Variants in TENM1 observed in about 807,000 individuals in gnomAD.
TENM1 encodes the protein teneurin transmembrane protein 1.
Under a neutral mutation model 174.8 loss-of-function variants are expected in TENM1, and 35 were observed. That is an observed-to-expected ratio of 0.20 (90% confidence interval 0.15 to 0.27). TENM1 has a LOEUF of 0.27. TENM1 is among the 10% of genes least tolerant of loss of function. The pLI, the probability that TENM1 is intolerant of heterozygous loss-of-function variation, is 1.00. For missense variants in TENM1, 1,633 were observed against 2,130.1 expected, an observed-to-expected ratio of 0.77 and a Z score of 4.59; for synonymous variants, 781 against 798.7, an observed-to-expected ratio of 0.98 and a Z score of 0.37.
At chrX:125,187,916 A>G in the TENM1 span, among the ~76,000 whole-genome samples, 1 of 111,645 alleles carries the variant, frequency 9.0e-6, no homozygotes, top group East Asian at 2.8e-4. Context: ...AGATGTATGT[A>G]AATTATATGA....
chrX:124,906,806 G>A (rs2057756092), intron 1 of TENM1, among the ~76,000 whole-genome samples: 1 of 111,537 alleles, frequency 9.0e-6, no homozygotes, highest in Non-Finnish European at 1.9e-5. Context: ...AGTTAAAGAG[G>A]CCAAATAAAA....
At chrX:125,115,929 A>C in the TENM1 span, among the ~76,000 whole-genome samples, 7,973 of 111,293 alleles carry the variant, frequency 0.072, 224 homozygotes, top group Middle Eastern at 0.15. Context: ...AAGAGCCCAT[A>C]TAGCCAAGAC....
chrX:124,585,994 G>C (rs867096681), intron 11 of TENM1, among the ~76,000 whole-genome samples: 2 of 109,529 alleles, frequency 1.8e-5, no homozygotes, highest in Admixed American at 9.7e-5. Context: ...CAGGAAGAAG[G>C]TGACTCTCTG....
At chrX:125,077,411 T>C in the TENM1 span, among the ~76,000 whole-genome samples, 1 of 111,378 alleles carries the variant, frequency 9.0e-6, no homozygotes, top group Non-Finnish European at 1.9e-5. Flanking sequence ...ATTTTTTATA[T>C]GAATGTAATT....
At chrX:124,928,978 T>C (rs1439721142) in intron 1 of TENM1, among the ~76,000 whole-genome samples, 1 of 112,229 alleles carries the variant, frequency 8.9e-6, no homozygotes, top group Non-Finnish European at 1.9e-5. Flanking sequence ...TCAAACATCT[T>C]CCATGTCAAT....
chrX:124,511,270 T>A (rs971743659), intron 18 of TENM1, among the ~76,000 whole-genome samples: 2 of 112,185 alleles, frequency 1.8e-5, no homozygotes, highest in Non-Finnish European at 3.8e-5. Context: ...GCAAACATTT[T>A]GTAGGTCCGT....
chrX:124,486,413 T>C (rs183338439), intron 21 of TENM1, among the ~76,000 whole-genome samples: 1 of 112,195 alleles, frequency 8.9e-6, no homozygotes, highest in East Asian at 2.8e-4. Flanking sequence ...ACCAACTTAA[T>C]TTGCTTAAGG....
intron 3 of TENM1, among the ~76,000 whole-genome samples, chrX:124,809,902 T>C (rs1213405103): frequency 9.4e-6 from 1 of 105,893 alleles, no homozygotes; most frequent in Non-Finnish European, 1.9e-5. Context: ...CAGACACTTA[T>C]CAAAATGACC....
rs757162347 is a variant in TENM1 at position 124,723,439 on chromosome X, A to G, written c.776+13518T>C. On this transcript the variant is annotated intron_variant, in intron 4 of 31. Transcript: ENST00000422452. ...TTTCTCCTCTATGAACTCCTAATAC[A>G]TAAGTGTTGCCATGGTTTGGTTTTT... Among the ~76,000 whole-genome samples the G allele has an allele frequency of 6.3e-5, 7 of 111,164 alleles. No individual in the cohort carries two copies. In the South Asian group the frequency reaches 1.5e-3, roughly 24 times the overall value.
At chrX:125,004,287 ATGT>A in the TENM1 span, among the ~76,000 whole-genome samples, 48 of 111,949 alleles carry the variant, frequency 4.3e-4, no homozygotes, top group Non-Finnish European at 5.3e-4. Flanking sequence ...GTTCCAAGTA[ATGT>A]TGTTGCTATG....
At chrX:124,531,116 T>C (rs111836760) in intron 15 of TENM1, among the ~76,000 whole-genome samples, 1,474 of 100,576 alleles carry the variant, frequency 0.015, 23 homozygotes, top group African/African-American at 0.051. Flanking sequence ...TCCTAGGGCA[T>C]CAATACCACC....
At chrX:124,750,474 TA>T (rs2148577212) in intron 3 of TENM1, among the ~76,000 whole-genome samples, 1 of 112,397 alleles carries the variant, frequency 8.9e-6, no homozygotes, top group East Asian at 2.8e-4. Context: ...AAGTTTCATT[TA>T]CTTCTTTTTA....
the TENM1 span, among the ~76,000 whole-genome samples, chrX:124,985,467 T>C: frequency 6.2e-5 from 7 of 112,125 alleles, no homozygotes. Context: ...ACATGGGTAA[T>C]ATCCACTATG....
intron 22 of TENM1, among the ~76,000 whole-genome samples, chrX:124,461,541 T>C (rs2061173497): frequency 9.0e-6 from 1 of 111,729 alleles, no homozygotes; most frequent in African/African-American, 3.2e-5. Context: ...ATGTGGCACA[T>C]ATACACAATA....
intron 8 of TENM1, 129 bp from the exon 12 acceptor site, chrX:124,646,939 C>T (rs2051175210): frequency 9.1e-6 from 4 of 440,316 alleles, no homozygotes; most frequent in African/African-American, 5.0e-5. Context: ...GGAGCACTTA[C>T]TGCTCAAAAT....
chrX:124,696,433 C>T (rs777966734), intron 5 of TENM1, among the ~76,000 whole-genome samples: 2 of 111,411 alleles, frequency 1.8e-5, no homozygotes, highest in South Asian at 7.5e-4. Flanking sequence ...CTGGAGGTAG[C>T]ACATGATCTT....
At chrX:124,429,330 G>T (rs779764459) in intron 23 of TENM1, among the ~76,000 whole-genome samples, 2 of 110,920 alleles carry the variant, frequency 1.8e-5, no homozygotes, top group East Asian at 5.7e-4. Flanking sequence ...TATGAGTTTT[G>T]ACCACGTGCC....
the TENM1 span, among the ~76,000 whole-genome samples, chrX:125,118,365 T>C: frequency 9.0e-6 from 1 of 110,864 alleles, no homozygotes; most frequent in East Asian, 2.8e-4. Flanking sequence ...TGCCCCTAAA[T>C]ATATAAAAAT....
intron 14 of TENM1, among the ~76,000 whole-genome samples, chrX:124,550,819 C>T (rs755169543): frequency 6.3e-4 from 68 of 108,055 alleles, no homozygotes; most frequent in Non-Finnish European, 5.4e-4. Context: ...AGTGCAGTGG[C>T]GTGATCTCTG....
Sources: gnomAD v4.1 joint callset for allele counts (sites outside exome capture counted in the v4.1 genomes callset) on GRCh38, gnomAD v4.1.1 for gene constraint, MANE v1.5 for transcripts, NCBI Gene and HGNC (gene_info 2026-07-23, HGNC 2026-07-21) for gene names.